KCNIP4: variants seen among roughly 807,000 people sequenced by gnomAD.
KCNIP4 encodes Kv channel-interacting protein 4.
In KCNIP4, 12 loss-of-function variants were observed where a neutral mutation model predicts 34.0. The ratio of observed to expected loss-of-function variants is 0.35; its 90% CI spans 0.23 to 0.57. The LOEUF (loss-of-function observed/expected upper bound fraction) is 0.57. Among genes scored for constraint, KCNIP4 ranks in the 20% least tolerant of loss-of-function variants. KCNIP4 has a pLI of 0.83. For missense variants in KCNIP4, 238 were observed against 311.7 expected, an observed-to-expected ratio of 0.76 and a Z score of 1.78; for synonymous variants, 124 against 102.2, an observed-to-expected ratio of 1.21 and a Z score of -1.29.
chr4:21,528,762 A>G (rs1408041954), intron 1 of KCNIP4, among the ~76,000 whole-genome samples: 6 of 10,696 alleles, frequency 5.6e-4, no homozygotes, highest in African/African-American at 2.0e-3. Context: ...AAAGAAAGAA[A>G]GAAAGAAAGA....
chr4:21,692,479 G>A (rs570086433), intron 1 of KCNIP4, among the ~76,000 whole-genome samples: 1 of 152,270 alleles, frequency 6.6e-6, no homozygotes, highest in African/African-American at 2.4e-5. Flanking sequence ...TGTAAACTCT[G>A]TTGGGAAAAG....
At chr4:21,939,061 T>C (rs1240451981) in intron 1 of KCNIP4, among the ~76,000 whole-genome samples, 1 of 152,196 alleles carries the variant, frequency 6.6e-6, no homozygotes, top group Non-Finnish European at 1.5e-5. Flanking sequence ...ACAGTAGTTA[T>C]GGAAGGCCAC....
intron 1 of KCNIP4, among the ~76,000 whole-genome samples, chr4:20,925,667 G>A (rs552396074): frequency 5.1e-4 from 78 of 152,076 alleles, no homozygotes; most frequent in African/African-American, 1.7e-3. Flanking sequence ...TTCTTTCTTG[G>A]GCAACATCCA....
intron 1 of KCNIP4, among the ~76,000 whole-genome samples, chr4:21,630,638 C>A (rs897355310): frequency 6.6e-6 from 1 of 152,004 alleles, no homozygotes; most frequent in African/African-American, 2.4e-5. Context: ...CCATCAATTC[C>A]TTAGTGCTTT....
intron 1 of KCNIP4, among the ~76,000 whole-genome samples, chr4:21,481,316 T>C (rs188163082): frequency 1.3e-5 from 2 of 152,068 alleles, no homozygotes; most frequent in East Asian, 3.9e-4. Context: ...AAAAGGTGAG[T>C]CCCTCACAAC....
chr4:21,490,008 G>C (rs9996581), intron 1 of KCNIP4, among the ~76,000 whole-genome samples: 6,259 of 152,206 alleles, frequency 0.041, 396 homozygotes, highest in African/African-American at 0.14. Context: ...TAATGCTACA[G>C]AAGAATTTTG....
At chr4:20,969,516 T>C (rs1418752219) in intron 1 of KCNIP4, among the ~76,000 whole-genome samples, 1 of 151,946 alleles carries the variant, frequency 6.6e-6, no homozygotes, top group Non-Finnish European at 1.5e-5. Context: ...CAGGTAAATT[T>C]GTGTGTCCCT....
intron 1 of KCNIP4, among the ~76,000 whole-genome samples, chr4:21,711,948 T>C (rs1450015233): frequency 6.6e-6 from 1 of 152,162 alleles, no homozygotes; most frequent in Non-Finnish European, 1.5e-5. Flanking sequence ...GTAACTGGCC[T>C]ATACTCATTG....
intron 1 of KCNIP4, among the ~76,000 whole-genome samples, chr4:21,264,844 T>A (rs568308336): frequency 6.6e-6 from 1 of 152,228 alleles, no homozygotes; most frequent in African/African-American, 2.4e-5. Context: ...ACACCTGTAA[T>A]CCCAGCAGTT....
Position 21,113,564 on chromosome 4 carries a change from A to C in KCNIP4, c.62-230855T>G, listed in dbSNP as rs201386639. Among the ~76,000 whole-genome samples, 17 of 152,260 alleles carry C rather than the reference A, an allele frequency of 1.1e-4. No individual in the cohort carries two copies. In the East Asian group the frequency reaches 3.3e-3, roughly 29 times the overall value. ...CTTAATCTAGAATAAGGATTCCAAA[A>C]ATCACAATTTGGTCTGCTGTTGGGG... is the stretch of plus-strand genomic sequence containing the variant. On this transcript the variant is annotated intron_variant, in intron 1 of 8. Coordinates refer to ENST00000382152, the MANE Select transcript of KCNIP4 (RefSeq NM_025221.6).
At chr4:21,328,631 T>C (rs577932204) in intron 1 of KCNIP4, among the ~76,000 whole-genome samples, 4 of 152,180 alleles carry the variant, frequency 2.6e-5, no homozygotes, top group Admixed American at 6.5e-5. Context: ...CATCAGCCTG[T>C]GGCAAATCCA....
chr4:21,554,169 T>C (rs778290636), intron 1 of KCNIP4, among the ~76,000 whole-genome samples: 20 of 152,082 alleles, frequency 1.3e-4, no homozygotes, highest in Admixed American at 5.2e-4. Flanking sequence ...TGAGCTAAGA[T>C]GTGACTGAGA....
At chr4:21,527,023 A>G (rs1037939304) in intron 1 of KCNIP4, among the ~76,000 whole-genome samples, 8 of 152,190 alleles carry the variant, frequency 5.3e-5, no homozygotes, top group Non-Finnish European at 1.0e-4. Flanking sequence ...AGCTTTTCCT[A>G]CATACATCTG....
chr4:21,900,196 T>A (rs1727628671), intron 1 of KCNIP4, among the ~76,000 whole-genome samples: 1 of 152,212 alleles, frequency 6.6e-6, no homozygotes, highest in African/African-American at 2.4e-5. Context: ...TTTCTGTAAA[T>A]CTGGGTTCAC....
chr4:21,257,178 TA>T (rs1227220885), intron 1 of KCNIP4, among the ~76,000 whole-genome samples: 1 of 152,120 alleles, frequency 6.6e-6, no homozygotes, highest in African/African-American at 2.4e-5. Context: ...TGGGAAAGAC[TA>T]AAAAAGGCAC....
At chr4:20,871,882 C>T (rs1723504100) in intron 2 of KCNIP4, among the ~76,000 whole-genome samples, 1 of 152,008 alleles carries the variant, frequency 6.6e-6, no homozygotes, top group South Asian at 2.1e-4. Flanking sequence ...TAAAATCTCC[C>T]ACAACATTAT....
Position 20,984,170 on chromosome 4 carries a change from C to T in KCNIP4, c.62-101461G>A, listed in dbSNP as rs1736360212. The T allele has an allele frequency of 5.6e-6, 3 of 531,184 alleles. No individual in the cohort carries two copies. In the South Asian group the frequency reaches 6.6e-5, roughly 12 times the overall value. The allele number at this position is 531,184 out of a possible 1,614,324, so 32.9% of individuals were successfully genotyped here. ...GGGCTTCCCCCCTGCTACCACAGCG[C>T]ACGGACCTCTCCACTCTATGCTGCA... On this transcript the variant is annotated intron_variant, in intron 1 of 8. Coordinates refer to ENST00000382152, the MANE Select transcript of KCNIP4 (RefSeq NM_025221.6).
At chr4:20,878,543 C>G (rs184440432) in intron 2 of KCNIP4, among the ~76,000 whole-genome samples, 5 of 152,252 alleles carry the variant, frequency 3.3e-5, no homozygotes, top group African/African-American at 1.2e-4. Flanking sequence ...CCTTTGTTTT[C>G]TTGTTTATTC....
At chr4:20,915,677 T>C (rs1728741065) in intron 1 of KCNIP4, among the ~76,000 whole-genome samples, 1 of 152,156 alleles carries the variant, frequency 6.6e-6, no homozygotes, top group Non-Finnish European at 1.5e-5. Flanking sequence ...ATACACCTTA[T>C]ATGTATATAT....
Sources: gnomAD v4.1 joint callset for allele counts (sites outside exome capture counted in the v4.1 genomes callset) on GRCh38, gnomAD v4.1.1 for gene constraint, MANE v1.5 for transcripts, NCBI Gene and HGNC (gene_info 2026-07-23, HGNC 2026-07-21) for gene names.